Variants in TSHZ2 observed in about 807,000 individuals in gnomAD.
The protein encoded by TSHZ2 is teashirt zinc finger homeobox 2.
TSHZ2 carries 21 observed loss-of-function variants against 74.4 expected under a neutral mutation model. The observed-to-expected ratio is 0.28, with a 90% CI of 0.20 to 0.41. The LOEUF is 0.41. TSHZ2 is among the 10% of genes least tolerant of loss of function. TSHZ2 has a pLI of 1.00. For synonymous variants in TSHZ2, 540 were observed against 515.3 expected (o/e 1.05, Z -0.65); for missense variants, 1,244 against 1,293.5 (o/e 0.96, Z 0.59).
At chr20:53,077,441 G>T (rs1985403058) in intron 1 of TSHZ2, among the ~76,000 whole-genome samples, 1 of 151,866 alleles carries the variant, frequency 6.6e-6, no homozygotes, top group Non-Finnish European at 1.5e-5. Flanking sequence ...AATACTCTGG[G>T]GATCATCTGT....
intron 1 of TSHZ2, among the ~76,000 whole-genome samples, chr20:53,098,998 A>G (rs879661738): frequency 6.6e-6 from 1 of 152,144 alleles, no homozygotes; most frequent in African/African-American, 2.4e-5. Context: ...TCCATTGCCA[A>G]TGAGTCTTTG....
chr20:53,459,360 T>C (rs2145806885), intron 2 of TSHZ2, among the ~76,000 whole-genome samples: 1 of 152,262 alleles, frequency 6.6e-6, no homozygotes, highest in East Asian at 1.9e-4. Context: ...GTCTGTTTTA[T>C]CAGAGACCAG....
chr20:53,005,567 G>T (rs1286573338), intron 1 of TSHZ2, among the ~76,000 whole-genome samples: 2 of 152,150 alleles, frequency 1.3e-5, no homozygotes, highest in East Asian at 3.8e-4. Flanking sequence ...CCTGCATGCA[G>T]CGTGTCCTGT....
rs539901670 is a variant in TSHZ2, at chr20:53,008,571, T to TA, written c.40+35239dup. Reference sequence around the variant, plus strand: ...ATTATAATCACCTTTTTTTTTTTTTTACGGGAATTGACATTGATACTTAAA... The same window carrying TA: ...ATTATAATCACCTTTTTTTTTTTTTTAACGGGAATTGACATTGATACTTAAA... On this transcript the variant is annotated intron_variant, in intron 1 of 2. Transcript: ENST00000371497. Among the ~76,000 whole-genome samples, 50 of 147,898 alleles carry TA rather than the reference T, an allele frequency of 3.4e-4. 1 individual carries two copies. In the South Asian group the frequency reaches 9.8e-3, roughly 29 times the overall value.
intron 1 of TSHZ2, among the ~76,000 whole-genome samples, chr20:53,147,715 G>T (rs1987576789): frequency 6.6e-6 from 1 of 151,608 alleles, no homozygotes; most frequent in Non-Finnish European, 1.5e-5. Context: ...GGTCTATTTT[G>T]TTTTGTTTTG....
At chr20:53,470,098 T>C (rs796272099) in intron 2 of TSHZ2, among the ~76,000 whole-genome samples, 56 of 152,324 alleles carry the variant, frequency 3.7e-4, no homozygotes, top group African/African-American at 1.3e-3. Flanking sequence ...GACCTCCCTT[T>C]CCGACAGCAA....
At chr20:53,480,953 T>G (rs1007091130) in intron 2 of TSHZ2, among the ~76,000 whole-genome samples, 1 of 152,160 alleles carries the variant, frequency 6.6e-6, no homozygotes, top group African/African-American at 2.4e-5. Flanking sequence ...CACAAACTAC[T>G]TAATGAACAC....
At chr20:53,375,652 T>C (rs901486880) in intron 2 of TSHZ2, among the ~76,000 whole-genome samples, 2 of 151,846 alleles carry the variant, frequency 1.3e-5, no homozygotes, top group African/African-American at 4.8e-5. Flanking sequence ...CATCTCGGGG[T>C]GCCTATGGGT....
chr20:53,147,539 AATGTC>A (rs1987570978), intron 1 of TSHZ2, among the ~76,000 whole-genome samples: 1 of 152,242 alleles, frequency 6.6e-6, no homozygotes, highest in African/African-American at 2.4e-5. Context: ...AAGCTTTAAT[AATGTC>A]ATGTCATAAT....
intron 1 of TSHZ2, among the ~76,000 whole-genome samples, chr20:53,147,199 AATCT>A (rs1325888616): frequency 9.2e-5 from 14 of 152,272 alleles, no homozygotes; most frequent in Non-Finnish European, 1.6e-4. Context: ...TACATGGATA[AATCT>A]ATCTGTCTCT....
chr20:53,290,772 C>A (rs924136752), intron 2 of TSHZ2, among the ~76,000 whole-genome samples: 1 of 152,180 alleles, frequency 6.6e-6, no homozygotes, highest in Non-Finnish European at 1.5e-5. Flanking sequence ...TAGTCAGTGT[C>A]CACTCTCAAA....
At chr20:53,023,934 G>T (rs1417632652) in intron 1 of TSHZ2, among the ~76,000 whole-genome samples, 2 of 152,028 alleles carry the variant, frequency 1.3e-5, no homozygotes, top group Non-Finnish European at 2.9e-5. Flanking sequence ...CACCATTAGT[G>T]TTAAATGTCT....
chr20:53,263,913 G>C (rs1047223370), intron 2 of TSHZ2, among the ~76,000 whole-genome samples: 1 of 152,186 alleles, frequency 6.6e-6, no homozygotes, highest in Non-Finnish European at 1.5e-5. Flanking sequence ...CCCTGGAGAG[G>C]AGCCAATCAT....
At chr20:53,456,028 C>T (rs977226003) in intron 2 of TSHZ2, among the ~76,000 whole-genome samples, 6 of 152,070 alleles carry the variant, frequency 3.9e-5, no homozygotes, top group African/African-American at 1.4e-4. Context: ...CATATGTGTG[C>T]ATGTGTCTTT....
intron 1 of TSHZ2, among the ~76,000 whole-genome samples, chr20:53,175,211 G>A (rs1190934224): frequency 7.4e-6 from 1 of 134,706 alleles, no homozygotes; most frequent in Non-Finnish European, 1.5e-5. Flanking sequence ...GCACGATCTC[G>A]GCTTGCTGCA....
chr20:53,045,277 T>C (rs1984187006), intron 1 of TSHZ2, among the ~76,000 whole-genome samples: 1 of 152,164 alleles, frequency 6.6e-6, no homozygotes, highest in Admixed American at 6.5e-5. Flanking sequence ...TGGTCACATT[T>C]CTCTCAACCT....
chr20:53,003,737 T>G (rs957834381), intron 1 of TSHZ2, among the ~76,000 whole-genome samples: 1 of 152,070 alleles, frequency 6.6e-6, no homozygotes, highest in Non-Finnish European at 1.5e-5. Context: ...TGATAGAAAA[T>G]TAACAGCTCA....
chr20:53,274,765 T>C (rs1179264636), intron 2 of TSHZ2, among the ~76,000 whole-genome samples: 1 of 152,250 alleles, frequency 6.6e-6, no homozygotes, highest in East Asian at 1.9e-4. Flanking sequence ...CCTATCTTTC[T>C]TTCCTCGCTA....
chr20:52,982,756 T>G (rs1981615777), intron 1 of TSHZ2, among the ~76,000 whole-genome samples: 1 of 152,070 alleles, frequency 6.6e-6, no homozygotes, highest in Admixed American at 6.5e-5. Flanking sequence ...AGGTAGAGTA[T>G]GATGGAGGGT....
Sources: gnomAD v4.1 joint callset for allele counts (sites outside exome capture counted in the v4.1 genomes callset) on GRCh38, gnomAD v4.1.1 for gene constraint, MANE v1.5 for transcripts, NCBI Gene and HGNC (gene_info 2026-07-23, HGNC 2026-07-21) for gene names.